The following RARA variants were observed in gnomAD, a reference collection of about 807,000 sequenced individuals.
RARA encodes retinoic acid receptor alpha, also known as PML-DDX5-RARA fusion.
RARA carries 5 observed loss-of-function variants against 42.8 expected under a neutral mutation model. That is an observed-to-expected ratio of 0.12 (90% CI 0.06 to 0.25). RARA has a LOEUF of 0.25. RARA is among the 10% of genes least tolerant of loss of function. RARA has a pLI of 1.00. For missense variants in RARA, 402 were observed against 628.7 expected, an observed-to-expected ratio of 0.64 and a Z score of 3.86; for synonymous variants, 256 against 259.5, an observed-to-expected ratio of 0.99 and a Z score of 0.13.
intron 1 of RARA, chr17:40,318,221 C>T (rs2033257478): frequency 6.6e-6 from 1 of 152,254 alleles, no homozygotes; most frequent in Admixed American, 6.5e-5. Flanking sequence ...CCCCCTACCT[C>T]TGCTCCGTAC....
chr17:40,343,085 T>C (rs2034132245), intron 2 of RARA: 1 of 849,042 alleles, frequency 1.2e-6, no homozygotes, highest in Admixed American at 4.2e-5. Flanking sequence ...GCTGAGGAAC[T>C]TTGAGAGTTC....
Position 40,357,158 on chromosome 17 carries a change from C to T in RARA, c.*932C>T, listed in dbSNP as rs1039860139. On this transcript the variant is annotated 3_prime_UTR_variant, in exon 9 of 9. Transcript: ENST00000254066. ...GCAGGGCAGAGCAAGGGCCCCGGGA[C>T]AGAGTTTTCCCAGACCTGGCTCCTC... 1 of 238,998 alleles carries T rather than the reference C, an allele frequency of 4.2e-6. No individual in the cohort carries two copies. The highest frequency in any genetic ancestry group is 8.2e-6 in the Non-Finnish European group (1 of 121,358). The allele number at this position is 238,998 out of a possible 1,614,324, so 14.8% of individuals were successfully genotyped here. A position where few individuals can be genotyped will look rare whatever the true frequency, so the allele number is the denominator to read the frequency against.
chr17:40,348,347 G>C lies in RARA; in HGVS notation c.210G>C (p.Glu70Asp). ...TIETQSSSSE[E>D]IVPSPPSPPP... is the part of the protein sequence containing the mutation. Reference sequence around the variant, plus strand: ...AGACCCAGAGCAGCAGTTCTGAAGAGATAGTGCCCAGCCCTCCCTCGCCAC... The same window carrying C: ...AGACCCAGAGCAGCAGTTCTGAAGACATAGTGCCCAGCCCTCCCTCGCCAC... Residue 70 changes from glutamate (E) to aspartate (D), a missense_variant, in exon 3 of 9, where the codon GAG becomes GAC. By Grantham distance (45) the Glu-to-Asp change is conservative. This residue lies in a region of RARA where 91 missense variants were observed against 105.2 expected (regional missense o/e 0.87). Transcript: ENST00000254066. The C allele has an allele frequency of 6.2e-7, 1 of 1,610,988 alleles. No individual in the cohort carries two copies. The highest frequency in any genetic ancestry group is 1.7e-4 in the Middle Eastern group (1 of 6,052).
chr17:40,341,837 A>G, intron 2 of RARA: 2 of 1,086,938 alleles, frequency 1.8e-6, no homozygotes, highest in Non-Finnish European at 1.2e-6. Flanking sequence ...GAACTGGTAC[A>G]AGGGAGGACG....
rs1051830278 is a variant in RARA, at chr17:40,320,273, C to T, written c.-362-10584C>T. 2.0e-5 allele frequency among the ~76,000 whole-genome samples: 3 copies of T among 152,076 alleles called. No homozygotes were observed. The highest frequency in any genetic ancestry group is 2.9e-5 in the Non-Finnish European group (2 of 67,988). On this transcript the variant is annotated intron_variant, in intron 1 of 8. Transcript: ENST00000254066. The surrounding 1 kb of genome is among the most constrained non-coding windows in gnomAD (Gnocchi z 4.1). ...CCCTTCAGTCTGACCCTAAATGCAC[C>T]GGCTGCCACCCTGGGACACCTTTTT...
intron 1 of RARA, among the ~76,000 whole-genome samples, chr17:40,319,332 C>T (rs2033303783): frequency 6.6e-6 from 1 of 152,158 alleles, no homozygotes; most frequent in South Asian, 2.1e-4. Context: ...GACAGAAGAG[C>T]TCCCCAGCCT....
chr17:40,341,276 C>A, intron 2 of RARA: 1 of 1,347,188 alleles, frequency 7.4e-7, no homozygotes. Flanking sequence ...ACACCTTGGG[C>A]GGGGCTTTGC....
chr17:40,333,582 C>T (rs1372756991), intron 2 of RARA, among the ~76,000 whole-genome samples: 7 of 151,706 alleles, frequency 4.6e-5, no homozygotes, highest in African/African-American at 1.5e-4. Flanking sequence ...GTCATCTGCC[C>T]GCCTCAGCCT....
At chr17:40,334,730 G>A (rs1009010920) in intron 2 of RARA, among the ~76,000 whole-genome samples, 1 of 152,140 alleles carries the variant, frequency 6.6e-6, no homozygotes, top group African/African-American at 2.4e-5. Flanking sequence ...TTGCTGATGA[G>A]GCTTCCTACT....
chr17:40,330,960 G>C lies in RARA; in HGVS notation c.-259G>C. On this transcript the variant is annotated 5_prime_UTR_variant, in exon 2 of 9. Coordinates refer to ENST00000254066, the MANE Select transcript of RARA (RefSeq NM_000964.4). ...AGCTCTGGACCTTCCCAGGAAAAGT[G>C]CCAGCTCACAGAACTGCTTGACCAA... 2.3e-6 allele frequency: 1 copy of C among 439,604 alleles called. No individual in the cohort carries two copies. Among genetic ancestry groups the C allele is most frequent in the East Asian group, 3.7e-5 (1 of 27,002 alleles). 27.2% of individuals were successfully genotyped at this position (439,604 alleles called of 1,614,324 possible). A position where few individuals can be genotyped will look rare whatever the true frequency, so the allele number is the denominator to read the frequency against.
intron 2 of RARA, among the ~76,000 whole-genome samples, chr17:40,333,499 ATT>A: frequency 6.7e-6 from 1 of 150,112 alleles, no homozygotes; most frequent in East Asian, 2.0e-4. Context: ...CACCTAGCTA[ATT>A]TTTTTTGTAT....
At chr17:40,342,653 G>C (rs2034108331) in intron 2 of RARA, 1 of 1,561,172 alleles carries the variant, frequency 6.4e-7, no homozygotes, top group Non-Finnish European at 8.7e-7. Flanking sequence ...CTGAGTGACG[G>C]GGGCGGCGCG....
At position 40,355,955 on chromosome 17, in the gene RARA, G is replaced by A. The variant is rs549237425; in HGVS notation, c.1172-54G>A. The A allele has an allele frequency of 3.5e-4, 524 of 1,482,900 alleles. 1 individual carries two copies. Among genetic ancestry groups the A allele is most frequent in the African/African-American group, 2.3e-3 (168 of 71,754 alleles). The allele number at this position is 1,482,900 out of a possible 1,614,324, so 91.9% of individuals were successfully genotyped here. Reference sequence around the variant, plus strand: ...ACCTCGAGCCAGGCTTGCTGGGGCTGGGGGTGGGAGGGCTGGCCCAGCGTG... The same window carrying A: ...ACCTCGAGCCAGGCTTGCTGGGGCTAGGGGTGGGAGGGCTGGCCCAGCGTG... On this transcript the variant is annotated intron_variant, in intron 8 of 8. Transcript: ENST00000254066. This position sits in a 1 kb window ranked among gnomAD's most constrained non-coding sequence, Gnocchi z 4.1.
At chr17:40,321,192 C>T (rs1483928097) in intron 1 of RARA, among the ~76,000 whole-genome samples, 1 of 151,758 alleles carries the variant, frequency 6.6e-6, no homozygotes, top group Non-Finnish European at 1.5e-5. Context: ...TTGGTGTCCC[C>T]GCAGGGTGGG....
intron 2 of RARA, among the ~76,000 whole-genome samples, chr17:40,337,576 C>A (rs2033892690): frequency 6.6e-6 from 1 of 152,186 alleles, no homozygotes; most frequent in African/African-American, 2.4e-5. Context: ...CCCCCGATCT[C>A]CAGACACTGA....
chr17:40,349,455 G>A (rs565089049), intron 3 of RARA: 49 of 271,178 alleles, frequency 1.8e-4, no homozygotes, highest in African/African-American at 1.0e-3. Context: ...ATCCCTGGCT[G>A]TTGCCCAGTT....
intron 1 of RARA, among the ~76,000 whole-genome samples, chr17:40,315,132 GTATATATA>G (rs71356657): frequency 0.038 from 2,458 of 64,078 alleles, 61 homozygotes; most frequent in African/African-American, 0.048. Context: ...GCTTATATGT[GTATATATA>G]TATATATATA....
Position 40,355,472 on chromosome 17 carries a change from C to T in RARA, c.1171+51C>T, listed in dbSNP as rs2034590487. 3.8e-6 allele frequency: 6 copies of T among 1,558,636 alleles called. No homozygotes were observed. The highest frequency in any genetic ancestry group is 5.2e-6 in the Non-Finnish European group (6 of 1,148,380). On this transcript the variant is annotated intron_variant, in intron 8 of 8. Coordinates refer to ENST00000254066, the MANE Select transcript of RARA (RefSeq NM_000964.4). This position sits in a 1 kb window ranked among gnomAD's most constrained non-coding sequence, Gnocchi z 4.1. ...ACCGGCCCCCGACACCTGGCCCAGG[C>T]CCCCACATCCAAGCCAGCACCCCAT...
chr17:40,348,398 T>C lies in RARA; in HGVS notation c.261T>C (p.Pro87=), dbSNP rs2034337732. The C allele has an allele frequency of 6.2e-7, 1 of 1,613,828 alleles. No individual in the cohort carries two copies. Among genetic ancestry groups the C allele is most frequent in the Non-Finnish European group, 8.5e-7 (1 of 1,179,824 alleles). ...CCCCTCTACCCCGCATCTACAAGCCTTGCTTTGTCTGTCAGGACAAGTCCT... is the reference window on the plus strand; with the variant it reads ...CCCCTCTACCCCGCATCTACAAGCCCTGCTTTGTCTGTCAGGACAAGTCCT... ...SPPPLPRIYK[P]CFVCQDKSSG... Residue 87 remains proline, a synonymous_variant, in exon 3 of 9, where the codon CCT becomes CCC. Transcript: ENST00000254066.
Sources: allele counts gnomAD v4.1 joint callset (sites outside exome capture counted in the v4.1 genomes callset), GRCh38; gene constraint gnomAD v4.1.1; regional missense constraint gnomAD v4.1.1; non-coding constraint Gnocchi (gnomAD v3.1); transcripts MANE v1.5; gene names NCBI Gene and HGNC (gene_info 2026-07-23, HGNC 2026-07-21).